ST6GALNAC3: variants seen among roughly 807,000 people sequenced by gnomAD.
ST6GALNAC3 encodes the protein alpha-N-acetylgalactosaminide alpha-2,6-sialyltransferase 3.
A neutral mutation model predicts 32.7 loss-of-function variants in ST6GALNAC3; 25 were observed. The ratio of observed to expected loss-of-function variants is 0.76; its 90% CI spans 0.56 to 1.07. The LOEUF (loss-of-function observed/expected upper bound fraction) is 1.07. Among genes scored for constraint, ST6GALNAC3 ranks in the 50% least tolerant of loss-of-function variants. The probability of loss-of-function intolerance (pLI) is 0.00; values close to 1 mark genes in which losing one functional copy is unlikely to be tolerated. For missense variants in ST6GALNAC3, 355 were observed against 382.4 expected, an observed-to-expected ratio of 0.93 and a Z score of 0.60; for synonymous variants, 129 against 133.1, an observed-to-expected ratio of 0.97 and a Z score of 0.21.
At chr1:76,579,404 A>G (rs901603159) in intron 3 of ST6GALNAC3, among the ~76,000 whole-genome samples, 3 of 151,972 alleles carry the variant, frequency 2.0e-5, no homozygotes, top group African/African-American at 7.2e-5. Context: ...CTTTCCTAAG[A>G]TAAAAACATA....
At chr1:76,498,254 C>T (rs1320585314) in intron 3 of ST6GALNAC3, among the ~76,000 whole-genome samples, 2 of 152,192 alleles carry the variant, frequency 1.3e-5, no homozygotes, top group Non-Finnish European at 2.9e-5. Flanking sequence ...TCATATTCCC[C>T]AATTCCTTTT....
chr1:76,311,801 C>T (rs541247859), intron 1 of ST6GALNAC3, among the ~76,000 whole-genome samples: 16 of 152,176 alleles, frequency 1.1e-4, no homozygotes, highest in South Asian at 4.1e-4. Flanking sequence ...TACCCAGTAA[C>T]GGGATTGCTA....
At chr1:76,484,860 G>T (rs1179155675) in intron 3 of ST6GALNAC3, among the ~76,000 whole-genome samples, 10 of 152,110 alleles carry the variant, frequency 6.6e-5, no homozygotes. Flanking sequence ...CTGTGGGTTT[G>T]TCATAAATAG....
intron 2 of ST6GALNAC3, among the ~76,000 whole-genome samples, chr1:76,363,481 C>T (rs1392398798): frequency 6.6e-6 from 1 of 152,202 alleles, no homozygotes; most frequent in East Asian, 1.9e-4. Flanking sequence ...AAGTTCCAAA[C>T]ATTCCCTCAT....
intron 1 of ST6GALNAC3, among the ~76,000 whole-genome samples, chr1:76,194,259 C>G (rs1208059405): frequency 6.6e-6 from 1 of 152,106 alleles, no homozygotes; most frequent in African/African-American, 2.4e-5. Context: ...GAAATGTAAT[C>G]TGAGATATAG....
chr1:76,570,491 A>T (rs1170822643), intron 3 of ST6GALNAC3, among the ~76,000 whole-genome samples: 4 of 151,980 alleles, frequency 2.6e-5, no homozygotes, highest in Admixed American at 6.6e-5. Context: ...TCCTCTATTT[A>T]CTATGATAAA....
chr1:76,267,056 C>G (rs543957871), intron 1 of ST6GALNAC3, among the ~76,000 whole-genome samples: 6 of 152,344 alleles, frequency 3.9e-5, no homozygotes, highest in Admixed American at 1.3e-4. Flanking sequence ...CCAACCTTGG[C>G]CAAGTGCCCA....
intron 1 of ST6GALNAC3, among the ~76,000 whole-genome samples, chr1:76,160,456 G>A (rs1651736737): frequency 6.6e-6 from 1 of 152,208 alleles, no homozygotes; most frequent in South Asian, 2.1e-4. Context: ...GCTTTGGGAT[G>A]TGGCAGTAGA....
chr1:76,618,108 C>T (rs2100692944), intron 3 of ST6GALNAC3, among the ~76,000 whole-genome samples: 1 of 152,260 alleles, frequency 6.6e-6, no homozygotes, highest in East Asian at 1.9e-4. Context: ...ATTGCAATTA[C>T]AGAACTGCTG....
intron 3 of ST6GALNAC3, among the ~76,000 whole-genome samples, chr1:76,514,321 T>C (rs946226523): frequency 2.0e-5 from 3 of 152,148 alleles, no homozygotes; most frequent in Non-Finnish European, 4.4e-5. Flanking sequence ...TTTATTTAAA[T>C]GATCATATGG....
intron 2 of ST6GALNAC3, among the ~76,000 whole-genome samples, chr1:76,322,841 T>C (rs1016000142): frequency 3.0e-4 from 45 of 151,550 alleles, no homozygotes; most frequent in Middle Eastern, 3.4e-3. Context: ...AAATGGATTC[T>C]TTATTTATTC....
chr1:76,423,420 G>T (rs988313914), intron 3 of ST6GALNAC3, among the ~76,000 whole-genome samples: 1 of 151,786 alleles, frequency 6.6e-6, no homozygotes. Flanking sequence ...TTCATTTATT[G>T]TATGCTTTTT....
intron 1 of ST6GALNAC3, among the ~76,000 whole-genome samples, chr1:76,077,097 T>A (rs904083384): frequency 6.6e-6 from 1 of 152,196 alleles, no homozygotes; most frequent in Non-Finnish European, 1.5e-5. Context: ...CAGTGCAGAA[T>A]ACAGGTTTCA....
At chr1:76,564,726 T>C (rs1056183343) in intron 3 of ST6GALNAC3, among the ~76,000 whole-genome samples, 8 of 151,928 alleles carry the variant, frequency 5.3e-5, no homozygotes, top group East Asian at 1.9e-4. Flanking sequence ...GCTGGGACTA[T>C]AGGCGCCCAC....
intron 3 of ST6GALNAC3, among the ~76,000 whole-genome samples, chr1:76,623,524 A>T (rs374878106): frequency 2.0e-4 from 31 of 151,978 alleles, no homozygotes; most frequent in African/African-American, 6.5e-4. Flanking sequence ...AGGTAAAAAA[A>T]AATGCTATGG....
At chr1:76,328,293 G>T (rs1647119063) in intron 2 of ST6GALNAC3, among the ~76,000 whole-genome samples, 1 of 152,110 alleles carries the variant, frequency 6.6e-6, no homozygotes, top group Non-Finnish European at 1.5e-5. Flanking sequence ...TGTTGAATTG[G>T]GGAACTTCAC....
chr1:76,251,146 A>G (rs1341401773), intron 1 of ST6GALNAC3, among the ~76,000 whole-genome samples: 2 of 151,894 alleles, frequency 1.3e-5, no homozygotes, highest in Non-Finnish European at 2.9e-5. Flanking sequence ...TCCTCTGATC[A>G]TGGCTAAACA....
intron 3 of ST6GALNAC3, among the ~76,000 whole-genome samples, chr1:76,533,712 C>T (rs1172234745): frequency 6.6e-6 from 1 of 152,176 alleles, no homozygotes; most frequent in Non-Finnish European, 1.5e-5. Context: ...GTCCGTACAT[C>T]CTGCAAAGCT....
At chr1:76,554,204 C>A (rs929673438) in intron 3 of ST6GALNAC3, among the ~76,000 whole-genome samples, 1 of 151,868 alleles carries the variant, frequency 6.6e-6, no homozygotes, top group African/African-American at 2.4e-5. Context: ...AAAACAGCAA[C>A]AATTCATGTA....
Sources: gnomAD v4.1 joint callset for allele counts (sites outside exome capture counted in the v4.1 genomes callset) on GRCh38, gnomAD v4.1.1 for gene constraint, MANE v1.5 for transcripts, NCBI Gene and HGNC (gene_info 2026-07-23, HGNC 2026-07-21) for gene names.